RINT1: variants seen among roughly 807,000 people sequenced by gnomAD.
The protein encoded by RINT1 is RAD50 interactor 1.
In RINT1, 75 loss-of-function variants were observed where a neutral mutation model predicts 97.7. That is an observed-to-expected ratio of 0.77 (90% confidence interval 0.64 to 0.93). The LOEUF is 0.93. RINT1 is among the 40% of genes least tolerant of loss of function. The pLI is 0.00. For synonymous variants in RINT1, 303 were observed against 326.3 expected, an observed-to-expected ratio of 0.93 and a Z score of 0.77; for missense variants, 892 against 925.2, an observed-to-expected ratio of 0.96 and a Z score of 0.47.
intron 12 of RINT1, among the ~76,000 whole-genome samples, chr7:105,564,892 C>T (rs977923914): frequency 2.0e-5 from 3 of 152,076 alleles, no homozygotes; most frequent in African/African-American, 7.2e-5. Flanking sequence ...ATCCCAGCTA[C>T]TTGGGAGGCT....
intron 10 of RINT1, among the ~76,000 whole-genome samples, chr7:105,553,329 A>T (rs1391729013): frequency 6.6e-6 from 1 of 151,172 alleles, no homozygotes; most frequent in Non-Finnish European, 1.5e-5. Flanking sequence ...GGGTCCAAGC[A>T]ATTCTCCTAC....
rs1790858021 is a variant in RINT1, at chr7:105,550,043, C to T, written c.997-12C>T. 3 of 1,536,980 alleles carry T rather than the reference C, an allele frequency of 2.0e-6. No homozygotes were observed. In the African/African-American group the frequency reaches 4.1e-5, roughly 21 times the overall value. On this transcript the variant is annotated splice_polypyrimidine_tract_variant and intron_variant, in intron 7 of 14. Coordinates refer to ENST00000257700, the MANE Select transcript of RINT1 (RefSeq NM_021930.6). ...TGACTTAAGAATTCAAACTATTTTCCTCCTTCCTTAGCCAGAATGGTACTT... is the reference window on the plus strand; with the variant it reads ...TGACTTAAGAATTCAAACTATTTTCTTCCTTCCTTAGCCAGAATGGTACTT...
chr7:105,534,898 G>A (rs1041211569), intron 2 of RINT1, among the ~76,000 whole-genome samples: 2 of 152,096 alleles, frequency 1.3e-5, no homozygotes, highest in African/African-American at 4.8e-5. Context: ...TGTAGGGGTG[G>A]AGACAGGAAC....
At chr7:105,546,626 C>T (rs1790676630) in intron 4 of RINT1, among the ~76,000 whole-genome samples, 1 of 152,184 alleles carries the variant, frequency 6.6e-6, no homozygotes, top group South Asian at 2.1e-4. Context: ...CTAATCCCAG[C>T]ACTTTGGGAG....
rs918420411 is a variant in RINT1 at position 105,554,917 on chromosome 7, C to G, written c.1472-111C>G. On this transcript the variant is annotated intron_variant, in intron 10 of 14. Coordinates refer to ENST00000257700, the MANE Select transcript of RINT1 (RefSeq NM_021930.6). ...TCAGAAATAAATCCATTCTTGACTA[C>G]TGGTCAATTGATTTTTGACAAAAGC... is the stretch of plus-strand genomic sequence containing the variant. The G allele has an allele frequency of 2.1e-5, 16 of 774,420 alleles. No homozygotes were observed. The African/African-American group carries it at 2.8e-4, about 14-fold the overall frequency. The allele number at this position is 774,420 out of a possible 1,614,324, so 48.0% of individuals were successfully genotyped here. A position where few individuals can be genotyped will look rare whatever the true frequency, so the allele number is the denominator to read the frequency against.
rs540889240 is a variant in RINT1, at chr7:105,532,528, G to C, written c.42+171G>C. Among the ~76,000 whole-genome samples the C allele has an allele frequency of 2.0e-5, 3 of 152,324 alleles. No individual in the cohort carries two copies. The East Asian group carries it at 5.8e-4, about 29-fold the overall frequency. Reference sequence around the variant, plus strand: ...CCTCCTAGAGGAGGCGGTAGTCCCCGTGAAGTGGCTTTGGCGGCCCTGGTG... The same window carrying C: ...CCTCCTAGAGGAGGCGGTAGTCCCCCTGAAGTGGCTTTGGCGGCCCTGGTG... On this transcript the variant is annotated intron_variant, in intron 1 of 14. Transcript: ENST00000257700.
At chr7:105,536,449 G>T (rs1721490) in intron 2 of RINT1, 116 bp from the exon 3 acceptor site, 13,451 of 697,414 alleles carry the variant, frequency 0.019, 720 homozygotes, top group African/African-American at 0.15. Context: ...GTGAGCCACC[G>T]TGCCTGGCAA....
chr7:105,566,094 C>T (rs1791722606), intron 14 of RINT1, among the ~76,000 whole-genome samples: 1 of 142,984 alleles, frequency 7.0e-6, no homozygotes, highest in Non-Finnish European at 1.5e-5. Context: ...ATAGTGATAC[C>T]CCCATCTCTA....
At chr7:105,551,816 A>G (rs1790940318) in intron 10 of RINT1, 109 bp downstream of exon 10, 1 of 860,054 alleles carries the variant, frequency 1.2e-6, no homozygotes, top group African/African-American at 1.7e-5. Context: ...CTGTAATCCT[A>G]GCACTTTGAG....
At chr7:105,563,095 C>T (rs1791510665) in intron 11 of RINT1, among the ~76,000 whole-genome samples, 1 of 151,210 alleles carries the variant, frequency 6.6e-6, no homozygotes, top group Non-Finnish European at 1.5e-5. Context: ...ATACGTGTTA[C>T]AATATGATAC....
In RINT1 at chr7:105,532,346, C is replaced by T. The variant is rs1790066829; in HGVS notation, c.31C>T (p.Pro11Ser). The change falls in exon 1 of 15, where the codon CCT becomes TCT. Residue 11 changes from proline (P) to serine (S), a missense_variant. Pro to Ser is a moderately conservative substitution (Grantham distance 74, BLOSUM62 -1). Coordinates refer to ENST00000257700, the MANE Select transcript of RINT1 (RefSeq NM_021930.6). MLPAGEIGAS[P>S]AAPCCSESGD... ...ACCAGCCGGCGAGATCGGCGCCTCT[C>T]CTGCAGCCCCGGTGAGACGGCCCTG... 3.7e-6 allele frequency: 6 copies of T among 1,600,588 alleles called. No individual in the cohort carries two copies. The highest frequency in any genetic ancestry group is 5.1e-6 in the Non-Finnish European group (6 of 1,175,274).
At chr7:105,535,727 G>A (rs1790205297) in intron 2 of RINT1, 2 of 340,212 alleles carry the variant, frequency 5.9e-6, no homozygotes, top group Non-Finnish European at 1.2e-5. Context: ...TTTGTTAGAT[G>A]AAGTCTTGCT....
intron 11 of RINT1, among the ~76,000 whole-genome samples, chr7:105,557,246 T>A (rs1791220040): frequency 6.6e-6 from 1 of 151,954 alleles, no homozygotes; most frequent in Non-Finnish European, 1.5e-5. Flanking sequence ...ACAAGACAAA[T>A]GCAATTTTAA....
chr7:105,564,828 C>A (rs946025415), intron 12 of RINT1, among the ~76,000 whole-genome samples: 3 of 152,110 alleles, frequency 2.0e-5, no homozygotes, highest in Non-Finnish European at 4.4e-5. Flanking sequence ...TGGCGAAACC[C>A]TGTCTCTACT....
At chr7:105,544,432 A>C (rs1389410225) in intron 4 of RINT1, among the ~76,000 whole-genome samples, 3 of 149,974 alleles carry the variant, frequency 2.0e-5, no homozygotes, top group Admixed American at 6.6e-5. Flanking sequence ...ATTTATTTTA[A>C]TTTTCTTTTT....
chr7:105,551,070 C>T (rs887754842), intron 9 of RINT1, among the ~76,000 whole-genome samples: 4 of 151,994 alleles, frequency 2.6e-5, no homozygotes, highest in Non-Finnish European at 4.4e-5. Context: ...ACTTTGTCAC[C>T]GAGGCTAGAG....
At chr7:105,541,767 C>G (rs927867036) in intron 3 of RINT1, 1 of 151,914 alleles carries the variant, frequency 6.6e-6, no homozygotes, top group African/African-American at 2.4e-5. Context: ...CAGAACGAAA[C>G]TCTGTCTCAA....
At chr7:105,549,491 G>C (rs1790836335) in intron 7 of RINT1, among the ~76,000 whole-genome samples, 1 of 151,948 alleles carries the variant, frequency 6.6e-6, no homozygotes, top group African/African-American at 2.4e-5. Flanking sequence ...TGGGATTACA[G>C]GTGCCCACCA....
chr7:105,543,910 GA>G (rs1164199641), intron 4 of RINT1, among the ~76,000 whole-genome samples: 1 of 150,814 alleles, frequency 6.6e-6, no homozygotes, highest in Admixed American at 6.6e-5. Context: ...CCAACATGGT[GA>G]AACCCCGTCT....
Sources: gnomAD v4.1 joint callset for allele counts (sites outside exome capture counted in the v4.1 genomes callset) on GRCh38, gnomAD v4.1.1 for gene constraint, MANE v1.5 for transcripts, NCBI Gene and HGNC (gene_info 2026-07-23, HGNC 2026-07-21) for gene names.